The following NAV3 variants were observed in gnomAD, a reference collection of about 807,000 sequenced individuals.
The protein encoded by NAV3 is neuron navigator 3, also known as pore membrane and/or filament interacting like protein 1.
In NAV3, 87 loss-of-function variants were observed where a neutral mutation model predicts 244.7. The observed-to-expected ratio is 0.36, with a 90% CI of 0.30 to 0.42. The LOEUF is 0.42. Among genes scored for constraint, NAV3 ranks in the 20% least tolerant of loss-of-function variants. The pLI, the probability that NAV3 is intolerant of heterozygous loss-of-function variation, is 1.00. For synonymous variants in NAV3, 1,126 were observed against 1,042.2 expected (o/e 1.08, Z -1.55); for missense variants, 2,663 against 2,893.3 (o/e 0.92, Z 1.83).
intron 38 of NAV3, among the ~76,000 whole-genome samples, chr12:78,202,438 A>G (rs1282914466): frequency 1.3e-5 from 2 of 152,080 alleles, no homozygotes; most frequent in Admixed American, 6.6e-5. Flanking sequence ...TAAAATGCTT[A>G]GCATCCTTAG....
At chr12:77,599,757 T>G (rs1870337019) in intron 2 of NAV3, among the ~76,000 whole-genome samples, 1 of 151,958 alleles carries the variant, frequency 6.6e-6, no homozygotes. Context: ...TGCATTACTA[T>G]TATTAAAATC....
chr12:78,078,434 C>T (rs1206499342), intron 12 of NAV3, among the ~76,000 whole-genome samples: 4 of 116,836 alleles, frequency 3.4e-5, no homozygotes, highest in Admixed American at 1.2e-4. Context: ...CTCGCTCTGT[C>T]GCCCAGGCTG....
At chr12:78,063,990 A>C (rs895079665) in intron 12 of NAV3, among the ~76,000 whole-genome samples, 1 of 152,178 alleles carries the variant, frequency 6.6e-6, no homozygotes, top group Non-Finnish European at 1.5e-5. Context: ...CACATGCTAT[A>C]ATCATTGTAT....
At chr12:77,862,627 A>T (rs1459045284) in intron 1 of NAV3, among the ~76,000 whole-genome samples, 1 of 151,894 alleles carries the variant, frequency 6.6e-6, no homozygotes, top group Non-Finnish European at 1.5e-5. Context: ...TGGGTGTGCC[A>T]AGCAAATGAT....
chr12:78,188,536 C>T lies in NAV3; in HGVS notation c.5887-73C>T, dbSNP rs911877522. 2.6e-5 allele frequency: 38 copies of T among 1,435,896 alleles called. No homozygotes were observed. The Admixed American group carries it at 3.5e-4, about 13-fold the overall frequency. The allele number at this position is 1,435,896 out of a possible 1,614,324, so 88.9% of individuals were successfully genotyped here. ...ATTCTTGACAACTAGCTCTATATCC[C>T]TGTGAGTTATGTATTTGTTGTAGAT... is the stretch of plus-strand genomic sequence containing the variant. On this transcript the variant is annotated intron_variant, in intron 32 of 39. Transcript: ENST00000397909.
intron 1 of NAV3, among the ~76,000 whole-genome samples, chr12:77,903,198 C>T (rs925669785): frequency 2.0e-5 from 3 of 152,030 alleles, no homozygotes; most frequent in Admixed American, 6.5e-5. Flanking sequence ...CAATCCTAAG[C>T]CAAAAGAACA....
chr12:77,734,628 A>G (rs1367676645), intron 2 of NAV3, among the ~76,000 whole-genome samples: 1 of 152,138 alleles, frequency 6.6e-6, no homozygotes, highest in African/African-American at 2.4e-5. Flanking sequence ...CATGCAATAA[A>G]TTGCAAAATG....
At chr12:77,937,451 A>T (rs556233603) in intron 1 of NAV3, among the ~76,000 whole-genome samples, 4 of 152,312 alleles carry the variant, frequency 2.6e-5, no homozygotes, top group Admixed American at 6.5e-5. Flanking sequence ...TGGAGAATGA[A>T]AGTATTCTTA....
At chr12:78,012,082 G>A (rs1211183465) in intron 8 of NAV3, among the ~76,000 whole-genome samples, 1 of 152,136 alleles carries the variant, frequency 6.6e-6, no homozygotes, top group Non-Finnish European at 1.5e-5. Flanking sequence ...TTTGTGTAGG[G>A]ACACAGAGCC....
chr12:77,614,595 A>C (rs1871075611), intron 2 of NAV3, among the ~76,000 whole-genome samples: 4 of 152,152 alleles, frequency 2.6e-5, no homozygotes, highest in Admixed American at 2.0e-4. Context: ...AAATCATATG[A>C]GGTAGTGTTC....
intron 24 of NAV3, among the ~76,000 whole-genome samples, chr12:78,171,278 A>G (rs1360052101): frequency 6.6e-6 from 1 of 151,664 alleles, no homozygotes; most frequent in African/African-American, 2.4e-5. Flanking sequence ...CTAAATCTTC[A>G]TGTCGTAAAT....
intron 1 of NAV3, among the ~76,000 whole-genome samples, chr12:77,840,282 C>T (rs1276317364): frequency 6.6e-6 from 1 of 152,044 alleles, no homozygotes; most frequent in Non-Finnish European, 1.5e-5. Flanking sequence ...GCATTAAATG[C>T]CATTGTAAAG....
At chr12:78,125,577 G>A (rs1010511986) in intron 16 of NAV3, among the ~76,000 whole-genome samples, 7 of 152,138 alleles carry the variant, frequency 4.6e-5, no homozygotes, top group Admixed American at 1.3e-4. Flanking sequence ...TGGCAACGCT[G>A]CCTTGACATT....
Position 78,170,368 on chromosome 12 carries a change from C to T in NAV3, c.4981+1502C>T, listed in dbSNP as rs376529736. 4.6e-5 allele frequency among the ~76,000 whole-genome samples: 7 copies of T among 151,662 alleles called. No homozygotes were observed. The South Asian group carries it at 1.5e-3, about 31-fold the overall frequency. ...CGTTGATCCCATTCCTTAAATATCTCTTGGATCTGTTAACTTTTCTCTGAT... is the reference window on the plus strand; with the variant it reads ...CGTTGATCCCATTCCTTAAATATCTTTTGGATCTGTTAACTTTTCTCTGAT... On this transcript the variant is annotated intron_variant, in intron 24 of 39. Coordinates refer to ENST00000397909, the MANE Select transcript of NAV3 (RefSeq NM_001024383.2).
In NAV3 at chr12:78,020,462, A is replaced by G. The variant is rs59865489; in HGVS notation, c.1908-1285A>G. Among the ~76,000 whole-genome samples the G allele has an allele frequency of 7.1e-3, 1,084 of 152,320 alleles. 11 individuals carry two copies. Among genetic ancestry groups the G allele is most frequent in the African/African-American group, 0.024 (1,014 of 41,566 alleles). ...ATTCAGTTTTAAGCTAGAATAAAATAGGAACAGTCTGTCAGAAATTATTGG... is the reference window on the plus strand; with the variant it reads ...ATTCAGTTTTAAGCTAGAATAAAATGGGAACAGTCTGTCAGAAATTATTGG... On this transcript the variant is annotated intron_variant, in intron 8 of 39. Transcript: ENST00000397909.
intron 7 of NAV3, among the ~76,000 whole-genome samples, chr12:78,002,782 A>T (rs892581783): frequency 6.6e-6 from 1 of 152,062 alleles, no homozygotes; most frequent in African/African-American, 2.4e-5. Context: ...GGATTTTAGT[A>T]TTCTTTCCAT....
intron 1 of NAV3, among the ~76,000 whole-genome samples, chr12:77,841,983 T>G (rs1875742912): frequency 6.6e-6 from 1 of 152,128 alleles, no homozygotes; most frequent in East Asian, 1.9e-4. Flanking sequence ...ACCCAGAAAT[T>G]ACGGGAAATA....
At chr12:77,998,227 A>G in intron 6 of NAV3, 110 bp from the exon 7 acceptor site, 1 of 734,942 alleles carries the variant, frequency 1.4e-6, no homozygotes, top group Non-Finnish European at 2.0e-6. Context: ...ATTTTCTGCT[A>G]AATAGATTTT....
At position 78,117,469 on chromosome 12, in the gene NAV3, T is replaced by C. The variant is rs184928320; in HGVS notation, c.2770-558T>C. On this transcript the variant is annotated intron_variant, in intron 13 of 39. Transcript: ENST00000397909. ...ATAACTACACCACCAAGCTATATGG[T>C]GTGTATATATTAATATATAATGTAT... Among the ~76,000 whole-genome samples, 689 of 146,216 alleles carry C rather than the reference T, an allele frequency of 4.7e-3. 7 individuals carry two copies. Among genetic ancestry groups the C allele is most frequent in the Admixed American group, 6.7e-3 (97 of 14,380 alleles).
Sources: allele counts gnomAD v4.1 joint callset (sites outside exome capture counted in the v4.1 genomes callset), GRCh38; gene constraint gnomAD v4.1.1; transcripts MANE v1.5; gene names NCBI Gene and HGNC (gene_info 2026-07-23, HGNC 2026-07-21).